The following MKLN1 variants were observed in gnomAD, a reference collection of about 807,000 sequenced individuals.
The protein encoded by MKLN1 is muskelin 1.
In MKLN1, 18 loss-of-function variants were observed where a neutral mutation model predicts 99.0. The observed-to-expected ratio is 0.18, with a 90% confidence interval of 0.13 to 0.27. The LOEUF is 0.27. MKLN1 is among the 10% of genes least tolerant of loss of function. The pLI, the probability that MKLN1 is intolerant of heterozygous loss-of-function variation, is 1.00. For synonymous variants in MKLN1, 288 were observed against 293.2 expected (o/e 0.98, Z 0.18); for missense variants, 621 against 875.9 (o/e 0.71, Z 3.67).
chr7:131,133,974 C>G (rs1448712903), intron 1 of MKLN1, among the ~76,000 whole-genome samples: 1 of 151,536 alleles, frequency 6.6e-6, no homozygotes, highest in African/African-American at 2.4e-5. Flanking sequence ...GGATTACAGG[C>G]GCCTGCCACC....
Position 131,119,598 on chromosome 7 carries a change from G to T in MKLN1, c.-419+9391G>T, listed in dbSNP as rs6955477. 5.9e-3 allele frequency among the ~76,000 whole-genome samples: 900 copies of T among 152,308 alleles called. 8 individuals are homozygous for T. The highest frequency in any genetic ancestry group is 0.021 in the African/African-American group (872 of 41,560). On this transcript the variant is annotated intron_variant, in intron 1 of 7. Coordinates refer to the MKLN1 transcript ENST00000416992. ...CAATGAGGGCTCTATTTCCACAGCA[G>T]ACTTCTGCCTGGACATCCAGACATT...
intron 1 of MKLN1, among the ~76,000 whole-genome samples, chr7:131,119,343 C>T (rs1307003487): frequency 6.6e-6 from 1 of 152,256 alleles, no homozygotes; most frequent in African/African-American, 2.4e-5. Context: ...TGGGCAGCTC[C>T]ACCACTGTGG....
intron 3 of MKLN1, among the ~76,000 whole-genome samples, chr7:131,251,620 A>G (rs62471996): frequency 0.18 from 26,654 of 152,080 alleles, 2,572 homozygotes; most frequent in Middle Eastern, 0.25. Context: ...CTTTGCTCCA[A>G]AGTTAGTTGG....
intron 2 of MKLN1, among the ~76,000 whole-genome samples, chr7:131,190,051 CTGG>C (rs1241998617): frequency 4.6e-5 from 7 of 152,210 alleles, no homozygotes; most frequent in Middle Eastern, 3.4e-3. Context: ...TATAAAATAC[CTGG>C]TGGGTTACTT....
intron 2 of MKLN1, among the ~76,000 whole-genome samples, chr7:131,160,273 T>A (rs1415402640): frequency 1.3e-5 from 2 of 152,120 alleles, no homozygotes; most frequent in Non-Finnish European, 2.9e-5. Flanking sequence ...CTGAAAAAGA[T>A]TCCATTGTAT....
chr7:131,474,156 A>G (rs1796903812), intron 16 of MKLN1, among the ~76,000 whole-genome samples: 1 of 152,210 alleles, frequency 6.6e-6, no homozygotes, highest in South Asian at 2.1e-4. Context: ...GCTCAGCCCA[A>G]AGTAATAGTA....
At chr7:131,444,742 TAGTAGTAGTAGTAGTAGAAGA>T (rs1437044569) in intron 11 of MKLN1, among the ~76,000 whole-genome samples, 1 of 126,390 alleles carries the variant, frequency 7.9e-6, no homozygotes, top group Non-Finnish European at 1.6e-5. Flanking sequence ...GTAGTAGTAG[TAGTAGTAGTAGTAGTAGAAGA>T]AGTAGTAGTA....
At chr7:131,416,969 G>A (rs925773193) in intron 8 of MKLN1, among the ~76,000 whole-genome samples, 18 of 110,012 alleles carry the variant, frequency 1.6e-4, no homozygotes, top group Admixed American at 3.6e-4. Flanking sequence ...GCAACAAAGC[G>A]CAACCCTGTC....
intron 3 of MKLN1, among the ~76,000 whole-genome samples, chr7:131,315,514 T>C (rs927721703): frequency 6.6e-6 from 1 of 152,150 alleles, no homozygotes; most frequent in East Asian, 1.9e-4. Context: ...AGTTTTTTCA[T>C]ACCCCAGTGG....
rs138018128 is a variant in MKLN1, at chr7:131,251,478, A to G, written c.-179+48504A>G. 1.5e-3 allele frequency among the ~76,000 whole-genome samples: 232 copies of G among 152,186 alleles called. 1 individual carries two copies. The highest frequency in any genetic ancestry group is 1.6e-3 in the Non-Finnish European group (111 of 68,000). ...CTTTGGGAAGTGACTGACTTTAACC[A>G]TTGTAATGACTGTTGGGACTTGCTG... On this transcript the variant is annotated intron_variant, in intron 3 of 7. Coordinates refer to the MKLN1 transcript ENST00000416992.
intron 3 of MKLN1, among the ~76,000 whole-genome samples, chr7:131,234,681 A>T (rs990044741): frequency 6.6e-6 from 1 of 152,224 alleles, no homozygotes; most frequent in African/African-American, 2.4e-5. Context: ...ATGGCAAGCC[A>T]TTCTCAATTC....
chr7:131,180,994 G>A (rs1021789655), intron 2 of MKLN1, among the ~76,000 whole-genome samples: 1 of 152,138 alleles, frequency 6.6e-6, no homozygotes, highest in African/African-American at 2.4e-5. Flanking sequence ...AATATCAAGA[G>A]TACAGCAACA....
At chr7:131,266,385 T>A (rs765281932) in intron 3 of MKLN1, among the ~76,000 whole-genome samples, 14 of 152,188 alleles carry the variant, frequency 9.2e-5, no homozygotes, top group Non-Finnish European at 1.9e-4. Flanking sequence ...TGCAGCCTAC[T>A]GTGAGAATTC....
chr7:131,364,297 C>T (rs1563312523), intron 1 of MKLN1, among the ~76,000 whole-genome samples: 1 of 151,964 alleles, frequency 6.6e-6, no homozygotes, highest in African/African-American at 2.4e-5. Context: ...CAGCATTCCC[C>T]CTTCCCACAC....
chr7:131,361,288 T>G (rs1353483541), intron 1 of MKLN1, among the ~76,000 whole-genome samples: 1 of 151,902 alleles, frequency 6.6e-6, no homozygotes, highest in African/African-American at 2.4e-5. Context: ...CTTTTTTATT[T>G]TAAAAAATAG....
At chr7:131,118,386 T>A (rs961103687) in intron 1 of MKLN1, among the ~76,000 whole-genome samples, 2 of 151,970 alleles carry the variant, frequency 1.3e-5, no homozygotes, top group Non-Finnish European at 2.9e-5. Flanking sequence ...AAACCCCATC[T>A]CTACTAAAAA....
Position 131,308,120 on chromosome 7 carries a change from C to T in MKLN1, c.-178-67304C>T, listed in dbSNP as rs537951654. The stretch of plus-strand genomic sequence containing the variant: ...TTGAGACTTCCCTCACTGGATCTCT[C>T]TCTCCTCCTGCCTTGTGAAAAAGGT... On this transcript the variant is annotated intron_variant, in intron 3 of 7. Transcript: ENST00000416992. 3.9e-5 allele frequency among the ~76,000 whole-genome samples: 6 copies of T among 152,180 alleles called. No individual in the cohort carries two copies. In the East Asian group the frequency reaches 5.8e-4, roughly 15 times the overall value.
Position 131,196,086 on chromosome 7 carries a change from T to A in MKLN1, c.-296-6771T>A, listed in dbSNP as rs527249593. Reference sequence around the variant, plus strand: ...TTAGAAACTTTAAATGTAATTTTTTTATTAAAATTTATTTTTGAATTTGTA... The same window carrying A: ...TTAGAAACTTTAAATGTAATTTTTTAATTAAAATTTATTTTTGAATTTGTA... On this transcript the variant is annotated intron_variant, in intron 2 of 7. Coordinates refer to the MKLN1 transcript ENST00000416992. Among the ~76,000 whole-genome samples, 67 of 152,360 alleles carry A rather than the reference T, an allele frequency of 4.4e-4. 1 individual carries two copies. Among genetic ancestry groups the A allele is most frequent in the African/African-American group, 1.3e-3 (54 of 41,598 alleles).
intron 3 of MKLN1, among the ~76,000 whole-genome samples, chr7:131,318,620 G>A (rs1031631752): frequency 3.9e-5 from 6 of 152,052 alleles, no homozygotes; most frequent in African/African-American, 1.5e-4. Flanking sequence ...AGAACTGAAG[G>A]AGATAGAGAC....
Sources: gnomAD v4.1 joint callset for allele counts (sites outside exome capture counted in the v4.1 genomes callset) on GRCh38, gnomAD v4.1.1 for gene constraint, MANE v1.5 for transcripts, NCBI Gene and HGNC (gene_info 2026-07-23, HGNC 2026-07-21) for gene names.